TMEM74: variants seen among roughly 807,000 people sequenced by gnomAD.
TMEM74 encodes transmembrane protein 74.
A neutral mutation model predicts 18.1 loss-of-function variants in TMEM74; 13 were observed. That is an observed-to-expected ratio of 0.72 (90% CI 0.47 to 1.14). The LOEUF is 1.14. Among genes scored for constraint, TMEM74 ranks in the 50% most tolerant of loss-of-function variants. The pLI, the probability that TMEM74 is intolerant of heterozygous loss-of-function variation, is 0.00. For missense variants in TMEM74, 372 were observed against 375.9 expected (o/e 0.99, Z 0.09); for synonymous variants, 159 against 146.6 (o/e 1.08, Z -0.61).
rs927391654 is a variant in TMEM74, at chr8:108,782,430, A to G, written c.*1751T>C. 6.6e-6 allele frequency among the ~76,000 whole-genome samples: 1 copy of G among 152,046 alleles called. No individual in the cohort carries two copies. Among genetic ancestry groups the G allele is most frequent in the Non-Finnish European group, 1.5e-5 (1 of 68,016 alleles). ...TCCTCTGATGGCCATATAATTTCTC[A>G]TTTTTACTTAATAATTCTTTCATAT... On this transcript the variant is annotated 3_prime_UTR_variant, in exon 2 of 2. Coordinates refer to ENST00000297459, the MANE Select transcript of TMEM74 (RefSeq NM_153015.3).
chr8:108,618,661 A>T (rs1250696262), intron 2 of TMEM74, among the ~76,000 whole-genome samples: 2 of 152,174 alleles, frequency 1.3e-5, no homozygotes, highest in Admixed American at 1.3e-4. Flanking sequence ...CGCACTGAAA[A>T]CACTACATAT....
intron 1 of TMEM74, among the ~76,000 whole-genome samples, chr8:108,699,189 C>CTTCCTTCCTTCCTTCCTTCA (rs1813312404): frequency 7.4e-6 from 1 of 134,962 alleles, no homozygotes; most frequent in Non-Finnish European, 1.6e-5. Context: ...TCCTTCCTCC[C>CTTCCTTCCTTCCTTCCTTCA]TCCCTCCCTC....
At chr8:108,744,117 G>C (rs1214977134) in intron 1 of TMEM74, among the ~76,000 whole-genome samples, 2 of 152,036 alleles carry the variant, frequency 1.3e-5, no homozygotes, top group South Asian at 4.1e-4. Context: ...CCTATATTCA[G>C]GGCTCACAGC....
chr8:108,707,043 G>C (rs1813422750), intron 1 of TMEM74, among the ~76,000 whole-genome samples: 4 of 151,950 alleles, frequency 2.6e-5, no homozygotes, highest in African/African-American at 9.7e-5. Context: ...CAGGGACACG[G>C]ATGAAGCTGG....
chr8:108,755,007 C>A (rs1303415002), intron 1 of TMEM74, among the ~76,000 whole-genome samples: 1 of 152,066 alleles, frequency 6.6e-6, no homozygotes, highest in Non-Finnish European at 1.5e-5. Context: ...TCCACTGATT[C>A]AAATGCAAGT....
intron 1 of TMEM74, among the ~76,000 whole-genome samples, chr8:108,657,859 A>AATATATATATAT (rs1175396487): frequency 2.0e-5 from 1 of 49,876 alleles, no homozygotes; most frequent in Non-Finnish European, 3.5e-5. Context: ...AAAAAAAAAA[A>AATATATATATAT]ATATATATAT....
intron 2 of TMEM74, among the ~76,000 whole-genome samples, chr8:108,643,398 A>T (rs1324532999): frequency 1.3e-5 from 2 of 152,142 alleles, no homozygotes; most frequent in African/African-American, 2.4e-5. Flanking sequence ...TCATTATTTC[A>T]CTTATAACTT....
At chr8:108,766,442 A>T (rs1563546385) in intron 1 of TMEM74, among the ~76,000 whole-genome samples, 1 of 152,142 alleles carries the variant, frequency 6.6e-6, no homozygotes, top group Non-Finnish European at 1.5e-5. Context: ...AAGGGATTAA[A>T]TAGATTCAAA....
intron 1 of TMEM74, among the ~76,000 whole-genome samples, chr8:108,686,114 G>C (rs1172266654): frequency 6.6e-6 from 1 of 151,876 alleles, no homozygotes; most frequent in Non-Finnish European, 1.5e-5. Flanking sequence ...AAATTCTTTT[G>C]AACAAAAAAA....
At chr8:108,693,650 G>A (rs1180091003) in intron 1 of TMEM74, among the ~76,000 whole-genome samples, 4 of 152,230 alleles carry the variant, frequency 2.6e-5, no homozygotes, top group Non-Finnish European at 5.9e-5. Context: ...TAGGTACGGG[G>A]TGGTGTGGAA....
chr8:108,776,815 TAAG>T (rs1217910627), downstream of TMEM74, among the ~76,000 whole-genome samples: 1 of 151,310 alleles, frequency 6.6e-6, no homozygotes, highest in Admixed American at 6.6e-5. Context: ...AAGAGGAAAT[TAAG>T]AAGGAAAAGG....
intron 1 of TMEM74, among the ~76,000 whole-genome samples, chr8:108,656,142 T>C (rs1290102925): frequency 6.6e-6 from 1 of 152,194 alleles, no homozygotes; most frequent in African/African-American, 2.4e-5. Flanking sequence ...AATTTCAAGA[T>C]TGGTGAGTTT....
chr8:108,693,272 A>T (rs1341882634), intron 1 of TMEM74, among the ~76,000 whole-genome samples: 1 of 152,096 alleles, frequency 6.6e-6, no homozygotes, highest in African/African-American at 2.4e-5. Flanking sequence ...GTAAGAAAGA[A>T]GTAAAATAAC....
intron 1 of TMEM74, among the ~76,000 whole-genome samples, chr8:108,722,131 G>A (rs1300633008): frequency 6.6e-6 from 1 of 152,138 alleles, no homozygotes; most frequent in Non-Finnish European, 1.5e-5. Context: ...GAGTTGTAGT[G>A]TACCTTTGTG....
chr8:108,712,556 C>A (rs753051978), intron 1 of TMEM74, among the ~76,000 whole-genome samples: 6 of 152,100 alleles, frequency 3.9e-5, no homozygotes, highest in Admixed American at 2.6e-4. Context: ...GCTCTGAGTA[C>A]GCATATCAGG....
intron 1 of TMEM74, among the ~76,000 whole-genome samples, chr8:108,773,915 T>C (rs921337412): frequency 6.6e-6 from 1 of 152,198 alleles, no homozygotes; most frequent in East Asian, 1.9e-4. Flanking sequence ...CCCAAATTCC[T>C]GACCAACAGA....
At chr8:108,768,958 T>C (rs1284896902) in intron 1 of TMEM74, among the ~76,000 whole-genome samples, 1 of 151,970 alleles carries the variant, frequency 6.6e-6, no homozygotes, top group South Asian at 2.1e-4. Flanking sequence ...TTGAAGATAT[T>C]GAGAGAAAAT....
intron 2 of TMEM74, among the ~76,000 whole-genome samples, chr8:108,615,728 G>A (rs1047061050): frequency 1.3e-5 from 2 of 151,824 alleles, no homozygotes; most frequent in South Asian, 2.1e-4. Flanking sequence ...AGCATGTCCC[G>A]TGGGGAGCTC....
intron 1 of TMEM74, among the ~76,000 whole-genome samples, chr8:108,767,876 T>C (rs1814127863): frequency 1.3e-5 from 2 of 152,174 alleles, no homozygotes; most frequent in African/African-American, 4.8e-5. Context: ...ATACCGTTTT[T>C]TTTCAGGGAC....
Sources: gnomAD v4.1 joint callset for allele counts (sites outside exome capture counted in the v4.1 genomes callset) on GRCh38, gnomAD v4.1.1 for gene constraint, MANE v1.5 for transcripts, NCBI Gene and HGNC (gene_info 2026-07-23, HGNC 2026-07-21) for gene names.